Variants in CHRM3 observed in about 807,000 individuals in gnomAD.
The protein encoded by CHRM3 is cholinergic receptor muscarinic 3.
CHRM3 carries 11 observed loss-of-function variants against 41.8 expected under a neutral mutation model. That is an observed-to-expected ratio of 0.26 (90% confidence interval 0.17 to 0.44). The LOEUF (loss-of-function observed/expected upper bound fraction) is 0.44, where lower values mean the gene tolerates loss of function less well. CHRM3 is among the 20% of genes least tolerant of loss of function. The pLI, the probability that CHRM3 is intolerant of heterozygous loss-of-function variation, is 1.00. For synonymous variants in CHRM3, 297 were observed against 301.4 expected, an observed-to-expected ratio of 0.99 and a Z score of 0.15; for missense variants, 571 against 745.4, an observed-to-expected ratio of 0.77 and a Z score of 2.72.
Position 239,908,622 on chromosome 1 carries a change from G to T in CHRM3, c.1171G>T (p.Val391Leu). The T allele has an allele frequency of 6.2e-7, 1 of 1,609,790 alleles. No homozygotes were observed. Among genetic ancestry groups the T allele is most frequent in the Middle Eastern group, 1.7e-4 (1 of 6,050 alleles). The change falls in exon 7 of 7, where the codon GTG becomes TTG. Residue 391 changes from valine (V) to leucine (L), a missense_variant. Physicochemically the swap from Val to Leu is conservative, Grantham distance 32. Transcript: ENST00000676153. This position sits in a 1 kb window ranked among gnomAD's most constrained non-coding sequence, Gnocchi z 7.2. Reference protein sequence around the residue: ...TKLPSSDNLQVPEEELGMVDL... With the variant: ...TKLPSSDNLQLPEEELGMVDL... The stretch of plus-strand genomic sequence containing the variant: ...GTTACCCTCATCGGACAACCTGCAG[G>T]TGCCTGAGGAGGAGCTGGGGATGGT...
At chr1:239,430,396 T>G (rs2103165128) in intron 1 of CHRM3, among the ~76,000 whole-genome samples, 1 of 152,308 alleles carries the variant, frequency 6.6e-6, no homozygotes, top group Non-Finnish European at 1.5e-5. Context: ...GATACAGTTT[T>G]AAAAACTCTT....
intron 6 of CHRM3, among the ~76,000 whole-genome samples, chr1:239,837,518 A>G (rs930570392): frequency 6.6e-6 from 1 of 152,190 alleles, no homozygotes; most frequent in Non-Finnish European, 1.5e-5. Context: ...ACATTTTGCA[A>G]CCCATCAATT....
chr1:239,647,395 G>A (rs72758724), intron 4 of CHRM3, among the ~76,000 whole-genome samples: 2,442 of 152,152 alleles, frequency 0.016, 29 homozygotes, highest in Non-Finnish European at 0.024. Flanking sequence ...TCGTGGATTC[G>A]AAGGAACCTC....
rs541576148 is a variant in CHRM3, at chr1:239,861,371, A to G, written c.-20+33993A>G. Among the ~76,000 whole-genome samples, 8 of 152,268 alleles carry G rather than the reference A, an allele frequency of 5.3e-5. No homozygotes were observed. The East Asian group carries it at 1.5e-3, about 29-fold the overall frequency. On this transcript the variant is annotated intron_variant, in intron 6 of 6. Coordinates refer to ENST00000676153, the MANE Select transcript of CHRM3 (RefSeq NM_001375978.1). Reference sequence around the variant, plus strand: ...TGATGATGGAGTTGAGATATGAAGGATAATTGTGTATTAACTAGCAAAAAT... The same window carrying G: ...TGATGATGGAGTTGAGATATGAAGGGTAATTGTGTATTAACTAGCAAAAAT...
At chr1:239,419,724 G>A (rs1661784104) in intron 1 of CHRM3, among the ~76,000 whole-genome samples, 1 of 152,186 alleles carries the variant, frequency 6.6e-6, no homozygotes, top group Admixed American at 6.5e-5. Context: ...GTCAGGACAT[G>A]AATGCGAAAC....
intron 1 of CHRM3, among the ~76,000 whole-genome samples, chr1:239,426,071 G>A (rs1478601306): frequency 6.7e-6 from 1 of 150,128 alleles, no homozygotes; most frequent in African/African-American, 2.5e-5. Context: ...CACGTGCCAT[G>A]TTGGTGTGCT....
chr1:239,897,771 A>G (rs911503234), intron 6 of CHRM3, among the ~76,000 whole-genome samples: 4 of 152,222 alleles, frequency 2.6e-5, no homozygotes. Context: ...TTCTAATGAC[A>G]AAAGGTTTTA....
chr1:239,446,185 T>C (rs1440437600), intron 1 of CHRM3, among the ~76,000 whole-genome samples: 1 of 152,174 alleles, frequency 6.6e-6, no homozygotes, highest in East Asian at 1.9e-4. Flanking sequence ...TCCGCCCGCC[T>C]TGGCCTCCCA....
At chr1:239,701,673 G>A (rs1477465392) in intron 5 of CHRM3, among the ~76,000 whole-genome samples, 2 of 152,104 alleles carry the variant, frequency 1.3e-5, no homozygotes, top group Non-Finnish European at 2.9e-5. Context: ...TTCTGCTCCT[G>A]ATCTTTTAAT....
intron 2 of CHRM3, among the ~76,000 whole-genome samples, chr1:239,513,097 A>G (rs571830021): frequency 1.3e-5 from 2 of 152,324 alleles, no homozygotes; most frequent in Non-Finnish European, 2.9e-5. Flanking sequence ...GCAAGTCGGT[A>G]TTGGTATTAG....
intron 6 of CHRM3, among the ~76,000 whole-genome samples, chr1:239,864,096 T>C (rs1572524014): frequency 6.9e-6 from 1 of 145,110 alleles, no homozygotes; most frequent in Non-Finnish European, 1.5e-5. Context: ...AAAAAAAAAC[T>C]CAGTTGGGTG....
At chr1:239,589,011 G>A (rs969946868) in intron 3 of CHRM3, among the ~76,000 whole-genome samples, 3 of 151,848 alleles carry the variant, frequency 2.0e-5, no homozygotes, top group African/African-American at 7.3e-5. Flanking sequence ...CTGGCTCACT[G>A]CGACTTCTGC....
chr1:239,772,884 A>G (rs542887211), intron 5 of CHRM3, among the ~76,000 whole-genome samples: 15 of 152,108 alleles, frequency 9.9e-5, no homozygotes, highest in Non-Finnish European at 1.6e-4. Context: ...TTTTATTTTA[A>G]TGCATACGTG....
intron 6 of CHRM3, among the ~76,000 whole-genome samples, chr1:239,889,451 G>T (rs1474584203): frequency 1.3e-5 from 2 of 152,080 alleles, no homozygotes; most frequent in East Asian, 3.9e-4. Context: ...TGGCCCCTAG[G>T]TAGCCCTTTT....
chr1:239,392,010 C>T lies in CHRM3; in HGVS notation c.-521+4783C>T, dbSNP rs567253397. Among the ~76,000 whole-genome samples the T allele has an allele frequency of 2.6e-5, 4 of 152,230 alleles. No individual in the cohort carries two copies. In the East Asian group the frequency reaches 5.8e-4, roughly 22 times the overall value. ...CTAACTCCTGTCATATTTACCATTTCGTAGGACTAGGATTTTATTGAGTTT... is the reference window on the plus strand; with the variant it reads ...CTAACTCCTGTCATATTTACCATTTTGTAGGACTAGGATTTTATTGAGTTT... On this transcript the variant is annotated intron_variant, in intron 1 of 6. Transcript: ENST00000676153.
At chr1:239,839,725 G>A (rs1402941322) in intron 6 of CHRM3, among the ~76,000 whole-genome samples, 1 of 152,064 alleles carries the variant, frequency 6.6e-6, no homozygotes, top group Non-Finnish European at 1.5e-5. Flanking sequence ...AAGAAGAAAG[G>A]GGAGAGTGAC....
At position 239,408,848 on chromosome 1, in the gene CHRM3, C is replaced by T. The variant is rs1465523696; in HGVS notation, c.-521+21621C>T. On this transcript the variant is annotated intron_variant, in intron 1 of 6. Transcript: ENST00000676153. Reference sequence around the variant, plus strand: ...TGTTACCCAGGCTGGTCCTAAACTCCTGGACTCAAGCAGTCCTCCCGCTGC... The same window carrying T: ...TGTTACCCAGGCTGGTCCTAAACTCTTGGACTCAAGCAGTCCTCCCGCTGC... Among the ~76,000 whole-genome samples, 6 of 151,734 alleles carry T rather than the reference C, an allele frequency of 4.0e-5. No homozygotes were observed. The East Asian group carries it at 1.2e-3, about 30-fold the overall frequency.
intron 2 of CHRM3, among the ~76,000 whole-genome samples, chr1:239,522,035 C>T (rs1669680959): frequency 8.9e-6 from 1 of 112,556 alleles, no homozygotes; most frequent in African/African-American, 3.0e-5. Context: ...CTTTTCTTTT[C>T]TTTTCTTTTT....
chr1:239,790,005 A>G (rs1196032184), intron 5 of CHRM3, among the ~76,000 whole-genome samples: 1 of 152,160 alleles, frequency 6.6e-6, no homozygotes, highest in African/African-American at 2.4e-5. Context: ...TGGGGCCTGT[A>G]GCCCCCGTTT....
Sources: gnomAD v4.1 joint callset for allele counts (sites outside exome capture counted in the v4.1 genomes callset) on GRCh38, gnomAD v4.1.1 for gene constraint, Gnocchi (gnomAD v3.1) non-coding constraint, MANE v1.5 for transcripts, NCBI Gene and HGNC (gene_info 2026-07-23, HGNC 2026-07-21) for gene names.